The following ZNF383 variants were observed in gnomAD, a reference collection of about 807,000 sequenced individuals.
The protein encoded by ZNF383 is zinc finger protein 383.
ZNF383 carries 32 observed loss-of-function variants against 44.2 expected under a neutral mutation model. That is an observed-to-expected ratio of 0.72 (90% CI 0.55 to 0.97). The LOEUF (loss-of-function observed/expected upper bound fraction) is 0.97, where lower values mean the gene tolerates loss of function less well. ZNF383 is among the 50% of genes least tolerant of loss of function. The pLI is 0.00. For synonymous variants in ZNF383, 155 were observed against 186.2 expected (o/e 0.83, Z 1.36); for missense variants, 487 against 562.5 (o/e 0.87, Z 1.36).
chr19:37,221,067 A>G (rs180879293), intron 1 of ZNF383, among the ~76,000 whole-genome samples: 38 of 152,340 alleles, frequency 2.5e-4, no homozygotes, highest in Non-Finnish European at 4.0e-4. Flanking sequence ...TTTCCAGGAT[A>G]TAAGTGTATG....
intron 2 of ZNF383, among the ~76,000 whole-genome samples, chr19:37,226,144 T>C (rs1973158594): frequency 1.3e-5 from 2 of 152,168 alleles, no homozygotes; most frequent in Admixed American, 1.3e-4. Flanking sequence ...TTCAAACATG[T>C]AGCATGTGAC....
At position 37,236,984 on chromosome 19, in the gene ZNF383, CACACACACACAG is replaced by C. The variant is rs1303781418; in HGVS notation, c.232+912_232+923del. Among the ~76,000 whole-genome samples the C allele has an allele frequency of 1.3e-3, 189 of 141,420 alleles. 2 individuals carry two copies. Among genetic ancestry groups the C allele is most frequent in the African/African-American group, 4.6e-3 (182 of 39,700 alleles). 92.8% of individuals were successfully genotyped at this position (141,420 alleles called of 152,430 possible). The stretch of plus-strand genomic sequence containing the variant: ...ACACACACACACACACACACACACA[CACACACACACAG>C]AGACACACACACACACACCCCTTGC... On this transcript the variant is annotated intron_variant, in intron 5 of 5. Coordinates refer to ENST00000684119, the MANE Select transcript of ZNF383 (RefSeq NM_001387601.1).
At chr19:37,235,938 C>T in intron 4 of ZNF383, 41 bp from the exon 5 acceptor site, 1 of 1,539,408 alleles carries the variant, frequency 6.5e-7, no homozygotes, top group Non-Finnish European at 8.9e-7. Flanking sequence ...ATCTCCTTTA[C>T]CCCCAGCATA....
intron 1 of ZNF383, chr19:37,219,253 TTTTTG>T: frequency 6.5e-6 from 1 of 152,760 alleles, no homozygotes; most frequent in Non-Finnish European, 1.5e-5. Context: ...CACTTCTCTG[TTTTTG>T]TTTTGTTTTG....
At chr19:37,219,724 T>C (rs1237259541) in intron 1 of ZNF383, 2 of 152,256 alleles carry the variant, frequency 1.3e-5, no homozygotes, top group Non-Finnish European at 2.9e-5. Context: ...AGAGGAAGAA[T>C]GGCTGTTGAC....
chr19:37,227,176 G>T (rs534639495), intron 2 of ZNF383, among the ~76,000 whole-genome samples: 1 of 137,996 alleles, frequency 7.2e-6, no homozygotes, highest in East Asian at 2.2e-4. Flanking sequence ...GTGCAATGGC[G>T]CAATCTCGGC....
rs1184900182 is a variant in ZNF383 at position 37,244,657 on chromosome 19, G to A, written c.*993G>A. 2 of 152,202 alleles carry A rather than the reference G, an allele frequency of 1.3e-5. No homozygotes were observed. The highest frequency in any genetic ancestry group is 2.9e-5 in the Non-Finnish European group (2 of 68,040). 9.4% of individuals were successfully genotyped at this position (152,202 alleles called of 1,614,324 possible). A position where few individuals can be genotyped will look rare whatever the true frequency, so the allele number is the denominator to read the frequency against. On this transcript the variant is annotated 3_prime_UTR_variant, in exon 6 of 6. Coordinates refer to ENST00000684119, the MANE Select transcript of ZNF383 (RefSeq NM_001387601.1). ...GCCTCCGAAAGTGCTGGGATTACAG[G>A]CGTGAGCCACTGCGGCCGGTCTTTT...
chr19:37,235,062 C>T (rs1163761671), intron 3 of ZNF383, among the ~76,000 whole-genome samples: 1 of 152,082 alleles, frequency 6.6e-6, no homozygotes, highest in Non-Finnish European at 1.5e-5. Context: ...CACCTGAGGT[C>T]AGGAGTTCGA....
intron 1 of ZNF383, among the ~76,000 whole-genome samples, chr19:37,222,479 C>G (rs548975900): frequency 4.3e-4 from 66 of 152,236 alleles, no homozygotes; most frequent in African/African-American, 1.6e-3. Context: ...TGGGTTCAAG[C>G]GATTCTCCTG....
intron 2 of ZNF383, among the ~76,000 whole-genome samples, chr19:37,226,035 G>A (rs536606688): frequency 6.7e-6 from 1 of 150,244 alleles, no homozygotes; most frequent in African/African-American, 2.5e-5. Context: ...TCCTGACCTC[G>A]TAAAATATTT....
chr19:37,246,023 C>T lies in ZNF383; in HGVS notation c.*2359C>T, dbSNP rs1341775163. 6.6e-6 allele frequency: 1 copy of T among 152,158 alleles called. No individual in the cohort carries two copies. Among genetic ancestry groups the T allele is most frequent in the African/African-American group, 2.4e-5 (1 of 41,422 alleles). 9.4% of individuals were successfully genotyped at this position (152,158 alleles called of 1,614,324 possible). ...TATTGGCCAGGCTGCTCTCAAACTC[C>T]TGACCTCGTGATCCTCCTGCCTTGG... On this transcript the variant is annotated 3_prime_UTR_variant, in exon 6 of 6. Transcript: ENST00000684119.
intron 5 of ZNF383, among the ~76,000 whole-genome samples, chr19:37,236,449 A>G (rs759402775): frequency 2.0e-5 from 3 of 151,418 alleles, no homozygotes; most frequent in Non-Finnish European, 4.4e-5. Context: ...GTGCAGTGAC[A>G]TGATCATAAC....
Position 37,245,074 on chromosome 19 carries a change from C to CTT in ZNF383, c.*1410_*1411insTT. 5 of 152,124 alleles carry CTT rather than the reference C, an allele frequency of 3.3e-5. No homozygotes were observed. Among genetic ancestry groups the CTT allele is most frequent in the African/African-American group, 9.7e-5 (4 of 41,440 alleles). 9.4% of individuals were successfully genotyped at this position (152,124 alleles called of 1,614,324 possible). On this transcript the variant is annotated 3_prime_UTR_variant, in exon 6 of 6. Transcript: ENST00000684119. ...TTGGGAGGCCGAGGTGGGCGGATCA[C>CTT]AAGGTCTGAAGATTAAGGCCATCCT...
At chr19:37,234,028 C>G (rs995916453) in intron 3 of ZNF383, among the ~76,000 whole-genome samples, 1 of 151,948 alleles carries the variant, frequency 6.6e-6, no homozygotes, top group African/African-American at 2.4e-5. Context: ...CCACGCCCAG[C>G]TAATTTTGTA....
intron 1 of ZNF383, among the ~76,000 whole-genome samples, chr19:37,222,370 T>C (rs1020098469): frequency 2.6e-5 from 4 of 152,134 alleles, no homozygotes; most frequent in Admixed American, 2.6e-4. Context: ...TTCTGTTGTA[T>C]GAATATAACA....
chr19:37,221,580 T>A (rs1327352293), intron 1 of ZNF383, among the ~76,000 whole-genome samples: 1 of 151,932 alleles, frequency 6.6e-6, no homozygotes, highest in Non-Finnish European at 1.5e-5. Flanking sequence ...AGACCCTGTC[T>A]CAAATATATA....
rs755106374 is a variant in ZNF383 at position 37,243,455 on chromosome 19, TCA to T, written c.1222_1223del (p.Gln408ThrfsTer11). On this transcript the variant is annotated frameshift_variant, in exon 6 of 6. Coordinates refer to ENST00000684119, the MANE Select transcript of ZNF383 (RefSeq NM_001387601.1). LOFTEE classifies it high-confidence loss of function. ...ATGTGGGAAGGCCTTTACTCAGAAC[TCA>T]CAACTTTTCCAGCATCAGAGAATTC... ...LECGKAFTQN[S>X]QLFQHQRIHT... 8 of 1,614,038 alleles carry T rather than the reference TCA, an allele frequency of 5.0e-6. No individual in the cohort carries two copies. Among genetic ancestry groups the T allele is most frequent in the Non-Finnish European group, 6.8e-6 (8 of 1,179,916 alleles).
In ZNF383 at chr19:37,230,443, T is replaced by G; in HGVS notation, c.-11T>G. ...CTCAAGGAAGACTAACCATCTGCAA[T>G]ACTAGAAGCCATGGCTGAGGTGAGT... On this transcript the variant is annotated 5_prime_UTR_variant, in exon 3 of 6. Transcript: ENST00000684119. The G allele has an allele frequency of 6.2e-7, 1 of 1,613,126 alleles. No homozygotes were observed. The highest frequency in any genetic ancestry group is 8.5e-7 in the Non-Finnish European group (1 of 1,179,716).
intron 5 of ZNF383, among the ~76,000 whole-genome samples, chr19:37,241,849 G>C (rs1189974698): frequency 6.6e-6 from 1 of 151,240 alleles, no homozygotes; most frequent in African/African-American, 2.4e-5. Context: ...CTTTAATGGA[G>C]GCTAGAAAAT....
Sources: gnomAD v4.1 joint callset for allele counts (sites outside exome capture counted in the v4.1 genomes callset) on GRCh38, gnomAD v4.1.1 for gene constraint, MANE v1.5 for transcripts, NCBI Gene and HGNC (gene_info 2026-07-23, HGNC 2026-07-21) for gene names.